Variants in CFAP20DC observed in about 807,000 individuals in gnomAD.
The protein encoded by CFAP20DC is protein CFAP20DC.
In CFAP20DC, 84 loss-of-function variants were observed where a neutral mutation model predicts 101.7. That is an observed-to-expected ratio of 0.83 (90% CI 0.69 to 0.99). The LOEUF is 0.99. Among genes scored for constraint, CFAP20DC ranks in the 50% least tolerant of loss-of-function variants. The pLI is 0.00. For missense variants in CFAP20DC, 1,007 were observed against 970.3 expected (o/e 1.04, Z -0.50); for synonymous variants, 359 against 351.2 (o/e 1.02, Z -0.25).
In CFAP20DC at chr3:59,007,637, G is replaced by C. The variant is rs986591752; in HGVS notation, c.278+31920C>G. On this transcript the variant is annotated intron_variant, in intron 4 of 16. Coordinates refer to ENST00000482387, the MANE Select transcript of CFAP20DC (RefSeq NM_001394063.1). The surrounding 1 kb of genome is among the most constrained non-coding windows in gnomAD (Gnocchi z 4.4). ...CATCACTGCCGTGCTACCTCCACCA[G>C]AGCAGGTGCTGGTATCATGGCTGGG... 7.2e-5 allele frequency among the ~76,000 whole-genome samples: 11 copies of C among 152,204 alleles called. No homozygotes were observed. The highest frequency in any genetic ancestry group is 2.7e-4 in the African/African-American group (11 of 41,458).
At position 58,732,157 on chromosome 3, in the gene CFAP20DC, AT is replaced by A. The variant is rs1198994108; in HGVS notation, c.198-14530del. On this transcript the variant is annotated intron_variant, in intron 3 of 3. Transcript: ENST00000486145. This position sits in a 1 kb window ranked among gnomAD's most constrained non-coding sequence, Gnocchi z 5.4. ...ATTTCAACTCAGTGGTAAGATTACA[AT>A]TTCCAGGGCAGAATAAAGCATTCAG... 2.6e-5 allele frequency among the ~76,000 whole-genome samples: 4 copies of A among 152,298 alleles called. No homozygotes were observed. In the East Asian group the frequency reaches 7.7e-4, roughly 29 times the overall value.
intron 14 of CFAP20DC, among the ~76,000 whole-genome samples, chr3:58,812,455 A>G (rs997366203): frequency 3.3e-5 from 5 of 151,996 alleles, no homozygotes; most frequent in African/African-American, 4.8e-5. Context: ...TATCGCAAGA[A>G]CAAAAAACCA....
chr3:58,824,691 TTATTAAGTG>T (rs1195797576), intron 14 of CFAP20DC: 5 of 152,204 alleles, frequency 3.3e-5, no homozygotes, highest in African/African-American at 9.6e-5. Context: ...GCCTGCAGTT[TTATTAAGTG>T]TATTTTGCCT....
intron 4 of CFAP20DC, among the ~76,000 whole-genome samples, chr3:58,938,662 CTG>C (rs1456936391): frequency 6.6e-6 from 1 of 152,096 alleles, no homozygotes; most frequent in African/African-American, 2.4e-5. Flanking sequence ...GTGTAATTAA[CTG>C]TTTTTAAAAT....
chr3:58,834,991 GTACACAC>G (rs1269326603), intron 13 of CFAP20DC, among the ~76,000 whole-genome samples: 1 of 152,016 alleles, frequency 6.6e-6, no homozygotes, highest in Non-Finnish European at 1.5e-5. Flanking sequence ...GTTGTCTTTG[GTACACAC>G]TTTCAGGGAT....
rs556786512 is a variant in CFAP20DC at position 58,728,064 on chromosome 3, G to A, written c.198-10436C>T. 1 of 152,352 alleles carries A rather than the reference G, an allele frequency of 6.6e-6. No homozygotes were observed. Among genetic ancestry groups the A allele is most frequent in the East Asian group, 1.9e-4 (1 of 5,192 alleles). 9.4% of individuals were successfully genotyped at this position (152,352 alleles called of 1,614,324 possible). A position where few individuals can be genotyped will look rare whatever the true frequency, so the allele number is the denominator to read the frequency against. ...GTGCAGGTGGCAGAATGCAGTTAGA[G>A]TGCATAGAAAGCTGCAATCTTTGTG... On this transcript the variant is annotated intron_variant, in intron 3 of 3. Coordinates refer to the CFAP20DC transcript ENST00000486145. This position sits in a 1 kb window ranked among gnomAD's most constrained non-coding sequence, Gnocchi z 4.7.
Position 58,941,327 on chromosome 3 carries a change from C to CAAAAAAAAAAAAA in CFAP20DC, c.279-3578_279-3566dup, listed in dbSNP as rs752324535. Among the ~76,000 whole-genome samples the CAAAAAAAAAAAAA allele has an allele frequency of 2.5e-3, 49 of 19,536 alleles. 3 individuals carry two copies. Among genetic ancestry groups the CAAAAAAAAAAAAA allele is most frequent in the African/African-American group, 8.8e-3 (48 of 5,462 alleles). The allele number at this position is 19,536 out of a possible 152,430, so 12.8% of individuals were successfully genotyped here. On this transcript the variant is annotated intron_variant, in intron 4 of 16. Coordinates refer to ENST00000482387, the MANE Select transcript of CFAP20DC (RefSeq NM_001394063.1). The stretch of plus-strand genomic sequence containing the variant: ...CTGGCGACAGAGCGAGACTCCGTCT[C>CAAAAAAAAAAAAA]AAAAAAAAAAAAAAAAAAAAAAAAA...
At chr3:58,965,241 G>A (rs2091441622) in intron 4 of CFAP20DC, among the ~76,000 whole-genome samples, 4 of 152,066 alleles carry the variant, frequency 2.6e-5, no homozygotes, top group Admixed American at 2.6e-4. Flanking sequence ...TGGTGGGAAT[G>A]GGTTTCAAAC....
Position 59,006,699 on chromosome 3 carries a change from T to C in CFAP20DC, c.278+32858A>G, listed in dbSNP as rs2108807889. Among the ~76,000 whole-genome samples, 1 of 152,206 alleles carries C rather than the reference T, an allele frequency of 6.6e-6. No homozygotes were observed. Among genetic ancestry groups the C allele is most frequent in the Middle Eastern group, 3.4e-3 (1 of 294 alleles). On this transcript the variant is annotated intron_variant, in intron 4 of 16. Transcript: ENST00000482387. This position sits in a 1 kb window ranked among gnomAD's most constrained non-coding sequence, Gnocchi z 4.3. The stretch of plus-strand genomic sequence containing the variant: ...AGCCCAGGGAAGCCAACCCTGACAA[T>C]ATCTCATAGAGGCCCTAGGGGAAGA...
At chr3:58,739,995 G>A (rs1368813364), downstream of CFAP20DC, among the ~76,000 whole-genome samples, 2 of 152,138 alleles carry the variant, frequency 1.3e-5, no homozygotes, top group African/African-American at 2.4e-5. Flanking sequence ...CCACAGAAGA[G>A]GGTCCTGGTG....
Position 58,849,047 on chromosome 3 carries a change from C to T in CFAP20DC, c.1956G>A (p.Ser652=), listed in dbSNP as rs577295213. The part of the protein sequence containing the change: ...LKEISGERLS[S]IPEASEYDWR... ...AACCACTTACAGATGCTTCGGGGAT[C>T]GAGCTCAGCCTTTCCCCTGAGATTT... Residue 652 remains serine, a synonymous_variant, in exon 13 of 17, where the codon TCG becomes TCA. Transcript: ENST00000482387. The T allele has an allele frequency of 1.9e-5, 29 of 1,535,420 alleles. No homozygotes were observed. In the East Asian group the frequency reaches 4.4e-4, roughly 23 times the overall value.
intron 15 of CFAP20DC, among the ~76,000 whole-genome samples, chr3:58,772,803 G>A (rs974201396): frequency 1.3e-5 from 2 of 152,084 alleles, no homozygotes; most frequent in Non-Finnish European, 2.9e-5. Flanking sequence ...ATTTAAAAAA[G>A]TTGTAGAACA....
chr3:58,946,113 ATTT>A (rs57865077), intron 4 of CFAP20DC, among the ~76,000 whole-genome samples: 3 of 123,818 alleles, frequency 2.4e-5, no homozygotes, highest in Non-Finnish European at 1.7e-5. Flanking sequence ...AACTGCCCCA[ATTT>A]TTTTTTTTTT....
At chr3:58,767,522 T>C (rs1284520489) in intron 15 of CFAP20DC, among the ~76,000 whole-genome samples, 1 of 152,194 alleles carries the variant, frequency 6.6e-6, no homozygotes, top group Non-Finnish European at 1.5e-5. Flanking sequence ...TCTTAAAATA[T>C]AAGTTGGGAA....
chr3:58,935,834 A>G (rs2087498178), intron 5 of CFAP20DC, among the ~76,000 whole-genome samples: 1 of 152,210 alleles, frequency 6.6e-6, no homozygotes, highest in African/African-American at 2.4e-5. Context: ...AAGAAAACCT[A>G]GGCATTACCA....
rs140884392 is a variant in CFAP20DC, at chr3:58,900,206, C to T, written c.550+13502G>A. ...TCTAGGAACTGAGATAAAGTTCTGCCAAAGGATTGTTAGCCTGGAAGTGAA... is the reference window on the plus strand; with the variant it reads ...TCTAGGAACTGAGATAAAGTTCTGCTAAAGGATTGTTAGCCTGGAAGTGAA... On this transcript the variant is annotated intron_variant, in intron 6 of 16. Coordinates refer to ENST00000482387, the MANE Select transcript of CFAP20DC (RefSeq NM_001394063.1). Among the ~76,000 whole-genome samples, 54 of 152,228 alleles carry T rather than the reference C, an allele frequency of 3.5e-4. No homozygotes were observed. In the East Asian group the frequency reaches 0.01, roughly 28 times the overall value.
intron 4 of CFAP20DC, among the ~76,000 whole-genome samples, chr3:59,016,574 G>C (rs979719072): frequency 6.6e-6 from 1 of 152,046 alleles, no homozygotes; most frequent in Non-Finnish European, 1.5e-5. Flanking sequence ...GAGGTGATGA[G>C]TGTTAATTAC....
intron 6 of CFAP20DC, among the ~76,000 whole-genome samples, chr3:58,909,030 C>T (rs994064283): frequency 2.0e-5 from 3 of 152,050 alleles, no homozygotes; most frequent in African/African-American, 7.2e-5. Flanking sequence ...CACAGAAGAC[C>T]TTTAGGGCAG....
At chr3:58,934,724 C>G (rs1002462185) in intron 5 of CFAP20DC, among the ~76,000 whole-genome samples, 8 of 152,122 alleles carry the variant, frequency 5.3e-5, no homozygotes, top group Non-Finnish European at 1.0e-4. Context: ...ATTCAACAGC[C>G]CTTCATGCTA....
Sources: gnomAD v4.1 joint callset for allele counts (sites outside exome capture counted in the v4.1 genomes callset) on GRCh38, gnomAD v4.1.1 for gene constraint, Gnocchi (gnomAD v3.1) non-coding constraint, MANE v1.5 for transcripts, NCBI Gene and HGNC (gene_info 2026-07-23, HGNC 2026-07-21) for gene names.